SGSM3: variants seen among roughly 807,000 people sequenced by gnomAD.
SGSM3 encodes small G protein signaling modulator 3, also known as RUN and SH3 containing 3.
In SGSM3, 96 loss-of-function variants were observed where a neutral mutation model predicts 100.5. The ratio of observed to expected loss-of-function variants is 0.96; its 90% CI spans 0.81 to 1.13. The LOEUF is 1.13. Among genes scored for constraint, SGSM3 ranks in the 50% most tolerant of loss-of-function variants. SGSM3 has a pLI of 0.00. For missense variants in SGSM3, 1,001 were observed against 1,015.8 expected (o/e 0.99, Z 0.20); for synonymous variants, 483 against 422.8 (o/e 1.14, Z -1.75).
chr22:40,403,528 TC>T (rs1338854243), intron 4 of SGSM3, among the ~76,000 whole-genome samples: 1 of 152,126 alleles, frequency 6.6e-6, no homozygotes, highest in African/African-American at 2.4e-5. Flanking sequence ...GAAAAATACT[TC>T]CAGGGATAGA....
Position 40,404,598 on chromosome 22 carries a change from C to G in SGSM3, c.408C>G (p.Asn136Lys), listed in dbSNP as rs749562336. 1.2e-6 allele frequency: 2 copies of G among 1,613,894 alleles called. No individual in the cohort carries two copies. The highest frequency in any genetic ancestry group is 1.3e-5 in the African/African-American group (1 of 75,032). Reference sequence around the variant, plus strand: ...CTGGGGCCCTGCAGAAGAAGAGGAACTCTGAGCTGTCCTACCGCGAGATTG... The same window carrying G: ...CTGGGGCCCTGCAGAAGAAGAGGAAGTCTGAGCTGTCCTACCGCGAGATTG... ...RLSGALQKKRNSELSYREIVK... is the reference protein window; with the variant it reads ...RLSGALQKKRKSELSYREIVK... The change falls in exon 6 of 22, where the codon AAC becomes AAG. Residue 136 changes from asparagine (N) to lysine (K), a missense_variant. Coordinates refer to ENST00000248929, the MANE Select transcript of SGSM3 (RefSeq NM_015705.6).
At chr22:40,371,365 CA>C (rs936105033) in intron 1 of SGSM3, among the ~76,000 whole-genome samples, 7 of 152,178 alleles carry the variant, frequency 4.6e-5, no homozygotes, top group African/African-American at 1.7e-4. Flanking sequence ...GTGTATCTTC[CA>C]GTCTCACGCT....
chr22:40,400,104 G>C (rs999414589), intron 1 of SGSM3, among the ~76,000 whole-genome samples: 1 of 152,148 alleles, frequency 6.6e-6, no homozygotes, highest in Non-Finnish European at 1.5e-5. Flanking sequence ...CCCAACACCA[G>C]AATTCCATGG....
rs765629299 is a variant in SGSM3 at position 40,398,973 on chromosome 22, G to T, written c.-111-1723G>T. ...TACACGAGTAGCAGAGCTAGGATTG[G>T]ACTGGAGATGTCTTTACTTTTTTTT... On this transcript the variant is annotated intron_variant, in intron 1 of 21. Transcript: ENST00000248929. Among the ~76,000 whole-genome samples the T allele has an allele frequency of 3.6e-5, 5 of 139,300 alleles. 1 individual carries two copies. The highest frequency in any genetic ancestry group is 7.7e-5 in the Non-Finnish European group (5 of 64,564). 91.4% of individuals were successfully genotyped at this position (139,300 alleles called of 152,430 possible). A position where few individuals can be genotyped will look rare whatever the true frequency, so the allele number is the denominator to read the frequency against.
chr22:40,371,292 C>T (rs2045416940), intron 1 of SGSM3, among the ~76,000 whole-genome samples: 1 of 152,158 alleles, frequency 6.6e-6, no homozygotes, highest in South Asian at 2.1e-4. Flanking sequence ...GACCTAGGCT[C>T]TTTTTTATTT....
intron 2 of SGSM3, among the ~76,000 whole-genome samples, chr22:40,401,086 T>C (rs960241334): frequency 9.2e-5 from 14 of 152,236 alleles, no homozygotes; most frequent in Non-Finnish European, 2.9e-5. Flanking sequence ...TGTAATGTGC[T>C]GCTGTTTCTT....
chr22:40,406,017 G>T, intron 8 of SGSM3, 61 bp from the exon 9 acceptor site: 1 of 1,587,910 alleles, frequency 6.3e-7, no homozygotes, highest in Middle Eastern at 1.7e-4. Flanking sequence ...CCTTGCTGCA[G>T]TTCCGGGGAG....
intron 4 of SGSM3, 148 bp downstream of exon 4, chr22:40,402,353 C>A: frequency 3.0e-6 from 2 of 665,912 alleles, no homozygotes; most frequent in Non-Finnish European, 5.5e-6. Context: ...GAGGGTGATA[C>A]TCTCATAAGT....
intron 1 of SGSM3, among the ~76,000 whole-genome samples, chr22:40,384,181 C>G (rs1213481465): frequency 6.6e-6 from 1 of 151,844 alleles, no homozygotes; most frequent in Non-Finnish European, 1.5e-5. Flanking sequence ...GAAGTCAAGG[C>G]TGCAGTGAGT....
At chr22:40,382,246 A>C (rs1404151417) in intron 1 of SGSM3, among the ~76,000 whole-genome samples, 1 of 152,204 alleles carries the variant, frequency 6.6e-6, no homozygotes, top group African/African-American at 2.4e-5. Flanking sequence ...CAGTTCTTCC[A>C]TTTATCTATT....
chr22:40,387,954 G>A (rs1229471169), intron 1 of SGSM3, among the ~76,000 whole-genome samples: 1 of 152,188 alleles, frequency 6.6e-6, no homozygotes, highest in Non-Finnish European at 1.5e-5. Context: ...ATTCTAGGGT[G>A]AGGTTCCTGT....
At position 40,402,121 on chromosome 22, in the gene SGSM3, A is replaced by T; in HGVS notation, c.91-18A>T. ...ACTAGGGGACAGGCAACTGACTTCA[A>T]CCTCATCCTGATTCTAGAAGGAAGA... On this transcript the variant is annotated intron_variant, in intron 3 of 21. Transcript: ENST00000248929. 1 of 1,609,144 alleles carries T rather than the reference A, an allele frequency of 6.2e-7. No homozygotes were observed. The highest frequency in any genetic ancestry group is 1.1e-5 in the South Asian group (1 of 90,962).
At chr22:40,388,775 T>C (rs1387713209) in intron 1 of SGSM3, among the ~76,000 whole-genome samples, 1 of 152,082 alleles carries the variant, frequency 6.6e-6, no homozygotes, top group Non-Finnish European at 1.5e-5. Flanking sequence ...TCAAAAACTT[T>C]AGGAAAGGCC....
At chr22:40,406,761 C>A in intron 10 of SGSM3, 99 bp downstream of exon 10, 1 of 1,061,804 alleles carries the variant, frequency 9.4e-7, no homozygotes. Context: ...ACAAACCAGC[C>A]CTTCCTGCTC....
chr22:40,397,142 C>A (rs1385422451), intron 1 of SGSM3, among the ~76,000 whole-genome samples: 1 of 152,152 alleles, frequency 6.6e-6, no homozygotes, highest in Non-Finnish European at 1.5e-5. Context: ...ACCTGCCCAC[C>A]CAGCTTAACA....
At position 40,371,684 on chromosome 22, in the gene SGSM3, T is replaced by C. The variant is rs995827287; in HGVS notation, c.-112+996T>C. Among the ~76,000 whole-genome samples the C allele has an allele frequency of 2.6e-5, 4 of 152,112 alleles. No individual in the cohort carries two copies. In the South Asian group the frequency reaches 8.3e-4, roughly 32 times the overall value. ...CTGTTCTTGGTGATTAATTTGTAAT[T>C]CTTCTTTTCTTTTCTTTTCTATTTT... On this transcript the variant is annotated intron_variant, in intron 1 of 21. Coordinates refer to ENST00000248929, the MANE Select transcript of SGSM3 (RefSeq NM_015705.6).
chr22:40,386,788 G>A (rs1185795235), intron 1 of SGSM3, among the ~76,000 whole-genome samples: 1 of 151,808 alleles, frequency 6.6e-6, no homozygotes, highest in Non-Finnish European at 1.5e-5. Context: ...TATAATTCAT[G>A]ACTTTGTGTG....
chr22:40,405,312 G>A, intron 7 of SGSM3, 28 bp downstream of exon 7: 1 of 1,451,576 alleles, frequency 6.9e-7, no homozygotes, highest in Non-Finnish European at 9.1e-7. Flanking sequence ...AAGGGCAGTG[G>A]CAGCCCCAGG....
intron 1 of SGSM3, among the ~76,000 whole-genome samples, chr22:40,374,484 C>T (rs2146734218): frequency 6.6e-6 from 1 of 152,338 alleles, no homozygotes; most frequent in East Asian, 1.9e-4. Context: ...ACAATTTCTT[C>T]TTTGTAATAC....
Sources: gnomAD v4.1 joint callset for allele counts (sites outside exome capture counted in the v4.1 genomes callset) on GRCh38, gnomAD v4.1.1 for gene constraint, MANE v1.5 for transcripts, NCBI Gene and HGNC (gene_info 2026-07-23, HGNC 2026-07-21) for gene names.